The following HLA-F variants were observed in gnomAD, a reference collection of about 807,000 sequenced individuals.
HLA-F encodes the protein major histocompatibility complex, class I, F.
Under a neutral mutation model 49.5 loss-of-function variants are expected in HLA-F, and 46 were observed. The ratio of observed to expected loss-of-function variants is 0.93; its 90% CI spans 0.73 to 1.19. The LOEUF (loss-of-function observed/expected upper bound fraction) is 1.19, where lower values mean the gene tolerates loss of function less well. Ranked by LOEUF, HLA-F falls within the 50% of genes most tolerant of loss-of-function variation. The probability of loss-of-function intolerance (pLI) is 0.00; values close to 1 mark genes in which losing one functional copy is unlikely to be tolerated. For missense variants in HLA-F, 496 were observed against 579.6 expected, an observed-to-expected ratio of 0.86 and a Z score of 1.48; for synonymous variants, 203 against 233.5, an observed-to-expected ratio of 0.87 and a Z score of 1.19.
At chr6:29,736,204 T>C (rs1397884712) in intron 3 of HLA-F, 2 of 344,356 alleles carry the variant, frequency 5.8e-6, no homozygotes, top group Non-Finnish European at 1.1e-5. Flanking sequence ...CATTCATTCA[T>C]GCACTACTGG....
Position 29,724,183 on chromosome 6 carries a change from C to T in HLA-F, c.345C>T (p.Thr115=), listed in dbSNP as rs1405327223. 1.9e-6 allele frequency: 3 copies of T among 1,613,042 alleles called. No homozygotes were observed. The highest frequency in any genetic ancestry group is 2.5e-6 in the Non-Finnish European group (3 of 1,179,988). Residue 115 remains threonine (T), a synonymous_variant, in exon 3 of 7, where the codon ACC becomes ACT. Coordinates refer to ENST00000259951, the MANE Select transcript of HLA-F (RefSeq NM_001098479.2). ...GCGGGGACCGGCTAGGGTCTCACAC[C>T]CTCCAGGGAATGAATGGCTGCGACA... ...RYNQSEAGSH[T]LQGMNGCDMG...
chr6:29,727,279 A>C lies in HLA-F; in HGVS notation c.*104A>C, dbSNP rs200044686. 8.3e-5 allele frequency: 56 copies of C among 671,630 alleles called. No homozygotes were observed. The East Asian group carries it at 1.4e-3, about 16-fold the overall frequency. 41.6% of individuals were successfully genotyped at this position (671,630 alleles called of 1,614,324 possible). ...CAACATTATCACACCAAAGAAAATAAATAATTCCATAATATTATTTAAAGT... is the reference window on the plus strand; with the variant it reads ...CAACATTATCACACCAAAGAAAATACATAATTCCATAATATTATTTAAAGT... On this transcript the variant is annotated 3_prime_UTR_variant, in exon 7 of 7. Coordinates refer to ENST00000259951, the MANE Select transcript of HLA-F (RefSeq NM_001098479.2).
rs1412661084 is a variant in HLA-F, at chr6:29,724,232, C to G, written c.394C>G (p.Arg132Gly). 1 of 1,613,214 alleles carries G rather than the reference C, an allele frequency of 6.2e-7. No homozygotes were observed. Among genetic ancestry groups the G allele is most frequent in the Non-Finnish European group, 8.5e-7 (1 of 1,180,040 alleles). Reference protein sequence around the residue: ...CDMGPDGRLLRGYHQHAYDGK... With the variant: ...CDMGPDGRLLGGYHQHAYDGK... The stretch of plus-strand genomic sequence containing the variant: ...CATGGGGCCCGACGGACGCCTCCTC[C>G]GCGGGTATCACCAGCACGCGTACGA... The change falls in exon 3 of 7, where the codon CGC (arginine) becomes GGC (glycine). Residue 132 changes from arginine to glycine, a missense_variant. Transcript: ENST00000259951.
Position 29,724,191 on chromosome 6 carries a change from G to T in HLA-F, c.353G>T (p.Gly118Val). The change falls in exon 3 of 7, where the codon GGA (glycine) becomes GTA (valine). Residue 118 changes from glycine (G) to valine (V), a missense_variant. By Grantham distance (109) the Gly-to-Val change is moderately radical. Transcript: ENST00000259951. ...QSEAGSHTLQ[G>V]MNGCDMGPDG... ...CGGCTAGGGTCTCACACCCTCCAGG[G>T]AATGAATGGCTGCGACATGGGGCCC... The T allele has an allele frequency of 6.2e-7, 1 of 1,613,116 alleles. No individual in the cohort carries two copies. Among genetic ancestry groups the T allele is most frequent in the African/African-American group, 1.3e-5 (1 of 75,062 alleles).
At chr6:29,731,992 T>G (rs1776666069), downstream of HLA-F, among the ~76,000 whole-genome samples, 1 of 152,200 alleles carries the variant, frequency 6.6e-6, no homozygotes, top group Non-Finnish European at 1.5e-5. Flanking sequence ...GGAGACAAAT[T>G]CTCACTCTGT....
intron 6 of HLA-F, chr6:29,726,662 A>G: frequency 6.7e-7 from 1 of 1,492,592 alleles, no homozygotes. Context: ...AGCCAGCTTG[A>G]CTCAGTTTAG....
rs1183021002 is a variant in HLA-F at position 29,724,293 on chromosome 6, G to C, written c.455G>C (p.Arg152Pro). ...TACATCTCCCTGAACGAGGACCTGC[G>C]CTCCTGGACCGCGGCGGACACCGTG... ...KDYISLNEDL[R>P]SWTAADTVAQ... Residue 152 changes from arginine (R) to proline (P), a missense_variant, in exon 3 of 7, where the codon CGC (arginine) becomes CCC (proline). Physicochemically the swap from Arg to Pro is moderately radical, Grantham distance 103. Transcript: ENST00000259951. 2 of 1,613,108 alleles carry C rather than the reference G, an allele frequency of 1.2e-6. No individual in the cohort carries two copies. The highest frequency in any genetic ancestry group is 1.3e-5 in the African/African-American group (1 of 74,926).
chr6:29,731,524 T>TGAGA (rs9278280), downstream of HLA-F, among the ~76,000 whole-genome samples: 280 of 150,456 alleles, frequency 1.9e-3, 2 homozygotes, highest in Non-Finnish European at 6.8e-4. Context: ...TGTCCCAGAT[T>TGAGA]GAGAGAGAGA....
At chr6:29,732,085 C>T (rs1342647742), downstream of HLA-F, among the ~76,000 whole-genome samples, 1 of 152,156 alleles carries the variant, frequency 6.6e-6, no homozygotes, top group Non-Finnish European at 1.5e-5. Context: ...CCACCTCAAA[C>T]ACTGGGGTAC....
chr6:29,726,484 A>G, intron 6 of HLA-F: 1 of 1,578,548 alleles, frequency 6.3e-7, no homozygotes, highest in African/African-American at 1.4e-5. Flanking sequence ...GAACATACAT[A>G]AATTTTAAAA....
Position 29,723,920 on chromosome 6 carries a change from C to A in HLA-F, c.327C>A (p.Ser109Arg). The A allele has an allele frequency of 6.3e-7, 1 of 1,594,770 alleles. No individual in the cohort carries two copies. The highest frequency in any genetic ancestry group is 8.5e-7 in the Non-Finnish European group (1 of 1,170,718). ...LRNLLRRYNQ[S>R]EAGSHTLQGM... The stretch of plus-strand genomic sequence containing the variant: ...ACCTGCTCCGCCGCTACAACCAGAG[C>A]GAGGCTGGTGAGTGAACCCGGCCGG... The change falls in exon 2 of 7, where the codon AGC (serine) becomes AGA (arginine). Residue 109 changes from serine to arginine, a missense_variant. By Grantham distance (110) the Ser-to-Arg change is moderately radical. Coordinates refer to ENST00000259951, the MANE Select transcript of HLA-F (RefSeq NM_001098479.2).
intron 6 of HLA-F, chr6:29,726,434 A>AG (rs1776089166): frequency 6.2e-7 from 1 of 1,611,392 alleles, no homozygotes; most frequent in Admixed American, 1.7e-5. Context: ...GGGACTGAGA[A>AG]GCAAGATATC....
chr6:29,730,638 C>T (rs892520483), downstream of HLA-F, among the ~76,000 whole-genome samples: 3 of 152,150 alleles, frequency 2.0e-5, no homozygotes, highest in Non-Finnish European at 2.9e-5. Context: ...CGAGAGCCAC[C>T]CTCTCAAGAA....
In HLA-F at chr6:29,723,863, C is replaced by T. The variant is rs1249752220; in HGVS notation, c.270C>T (p.Ala90=). The T allele has an allele frequency of 2.5e-6, 4 of 1,598,246 alleles. No homozygotes were observed. Among genetic ancestry groups the T allele is most frequent in the Non-Finnish European group, 2.6e-6 (3 of 1,172,948 alleles). Residue 90 remains alanine, a synonymous_variant, in exon 2 of 7, where the codon GCC becomes GCT. Transcript: ENST00000259951. ...AGTGGACCACAGGGTACGCCAAGGC[C>T]AACGCACAGACTGACCGAGTGGCCC... The part of the protein sequence containing the change: ...YWEWTTGYAK[A]NAQTDRVALR...
At chr6:29,737,129 A>T (rs1402126052) in intron 3 of HLA-F, among the ~76,000 whole-genome samples, 2 of 150,730 alleles carry the variant, frequency 1.3e-5, no homozygotes, top group African/African-American at 4.9e-5. Flanking sequence ...CTGAACAGCA[A>T]TGGCAATTAA....
chr6:29,728,272 G>A (rs1178088196), downstream of HLA-F: 1 of 360,382 alleles, frequency 2.8e-6, no homozygotes, highest in Non-Finnish European at 5.5e-6. Context: ...TGAAGGAAAA[G>A]TGTGGTCCCA....
At chr6:29,724,942 G>A (rs1267849739) in intron 3 of HLA-F, 89 bp from the exon 4 acceptor site, 15 of 1,449,542 alleles carry the variant, frequency 1.0e-5, no homozygotes, top group African/African-American at 4.2e-5. Context: ...CACCCCAGGT[G>A]TCCTGTCCAT....
chr6:29,731,020 G>T (rs533371338), downstream of HLA-F, among the ~76,000 whole-genome samples: 87 of 151,944 alleles, frequency 5.7e-4, 2 homozygotes, highest in Middle Eastern at 0.01. Flanking sequence ...CTGTTCAAAT[G>T]TCCCATGGTC....
downstream of HLA-F, chr6:29,729,224 T>C (rs1776364139): frequency 1.3e-5 from 2 of 152,218 alleles, no homozygotes; most frequent in Non-Finnish European, 2.9e-5. Context: ...TTAAAATTTA[T>C]AATTTTATTT....
Sources: allele counts gnomAD v4.1 joint callset (sites outside exome capture counted in the v4.1 genomes callset), GRCh38; gene constraint gnomAD v4.1.1; transcripts MANE v1.5; gene names NCBI Gene and HGNC (gene_info 2026-07-23, HGNC 2026-07-21).